The following ASIC4 variants were observed in gnomAD, a reference collection of about 807,000 sequenced individuals.
ASIC4 encodes the protein acid-sensing ion channel 4.
A neutral mutation model predicts 53.4 loss-of-function variants in ASIC4; 28 were observed. The observed-to-expected ratio is 0.52, with a 90% CI of 0.39 to 0.72. The LOEUF is 0.72. Among genes scored for constraint, ASIC4 ranks in the 30% least tolerant of loss-of-function variants. ASIC4 has a pLI of 0.00. For synonymous variants in ASIC4, 289 were observed against 301.4 expected (o/e 0.96, Z 0.43); for missense variants, 649 against 729.7 (o/e 0.89, Z 1.27).
chr2:219,515,576 G>A (rs115812484), intron 1 of ASIC4, among the ~76,000 whole-genome samples: 2,189 of 152,370 alleles, frequency 0.014, 34 homozygotes, highest in African/African-American at 0.037. Context: ...GGGAGTTGGG[G>A]TGGGGGTTCC....
upstream of ASIC4, chr2:219,514,387 C>A (rs1198600448): frequency 6.5e-7 from 1 of 1,546,966 alleles, no homozygotes; most frequent in Admixed American, 2.0e-5. Context: ...GGCGGAGCAG[C>A]GCTCGCTCCC....
rs76953724 is a variant in ASIC4, at chr2:219,518,048, C to T, written c.582+2742C>T. On this transcript the variant is annotated intron_variant, in intron 1 of 9. Transcript: ENST00000358078. This position sits in a 1 kb window ranked among gnomAD's most constrained non-coding sequence, Gnocchi z 4.8. ...TCTGTTACCACTGCAATCGCTCTCC[C>T]CCCACGCTCCCTAATATCCCTTCAT... 1.9e-3 allele frequency among the ~76,000 whole-genome samples: 294 copies of T among 152,256 alleles called. 7 individuals are homozygous for T. In the East Asian group the frequency reaches 0.051, roughly 26 times the overall value.
intron 5 of ASIC4, 106 bp downstream of exon 5, chr2:219,533,045 G>C (rs190142783): frequency 7.8e-7 from 1 of 1,276,734 alleles, no homozygotes. Flanking sequence ...CTTCCTGGAG[G>C]GTTCTTCCTG....
At chr2:219,531,623 T>C in intron 1 of ASIC4, 135 bp from the exon 2 acceptor site, 1 of 980,826 alleles carries the variant, frequency 1.0e-6, no homozygotes, top group Non-Finnish European at 1.5e-6. Flanking sequence ...GAGGCTGGGC[T>C]GTACATTGCT....
At chr2:219,521,348 G>A (rs892027061) in intron 1 of ASIC4, among the ~76,000 whole-genome samples, 2 of 152,196 alleles carry the variant, frequency 1.3e-5, no homozygotes, top group Admixed American at 6.5e-5. Context: ...GCTGATTAGC[G>A]TTTGAAGAAA....
chr2:219,522,818 C>G (rs891210060), intron 1 of ASIC4, among the ~76,000 whole-genome samples: 8 of 152,092 alleles, frequency 5.3e-5, no homozygotes, highest in African/African-American at 1.9e-4. Context: ...GTCACTTTGC[C>G]GAGGAGCCGG....
At chr2:219,516,000 G>C (rs530453354) in intron 1 of ASIC4, among the ~76,000 whole-genome samples, 1 of 152,292 alleles carries the variant, frequency 6.6e-6, no homozygotes, top group Non-Finnish European at 1.5e-5. Flanking sequence ...TCTTACACTG[G>C]GAATCACTGG....
upstream of ASIC4, chr2:219,514,062 T>G: frequency 2.3e-6 from 1 of 427,268 alleles, no homozygotes; most frequent in Admixed American, 4.0e-5. Flanking sequence ...GGGGATAGAG[T>G]TGGCTGACCC....
chr2:219,509,798 C>G (rs112424119), upstream of ASIC4, among the ~76,000 whole-genome samples: 1,062 of 152,236 alleles, frequency 7.0e-3, 9 homozygotes, highest in African/African-American at 0.024. This position sits in a 1 kb window ranked among gnomAD's most constrained non-coding sequence, Gnocchi z 5.2. Context: ...CTGGGCACTA[C>G]AAGGTCTCGG....
chr2:219,527,667 C>T (rs1694981249), intron 1 of ASIC4, among the ~76,000 whole-genome samples: 1 of 152,214 alleles, frequency 6.6e-6, no homozygotes, highest in African/African-American at 2.4e-5. Flanking sequence ...TGCCCTTAGC[C>T]AAGTCACTTT....
chr2:219,513,315 G>A (rs568817649), upstream of ASIC4, among the ~76,000 whole-genome samples: 1 of 152,130 alleles, frequency 6.6e-6, no homozygotes, highest in African/African-American at 2.4e-5. Flanking sequence ...CACAAGCACT[G>A]ATTCTTGCCA....
rs775818793 is a variant in ASIC4, at chr2:219,515,281, A to G, written c.557A>G (p.His186Arg). Residue 186 changes from histidine (H) to arginine (R), a missense_variant, in exon 1 of 10, where the codon CAC (histidine) becomes CGC (arginine). His to Arg is a conservative substitution (Grantham distance 29, BLOSUM62 0). Transcript: ENST00000358078. ...AAGAGCTGCAACTTCAGTGGGCATC[A>G]CTGCTCCGCCAGCAACTTCTCTGTG... The part of the protein sequence containing the change: ...MLKSCNFSGH[H>R]CSASNFSVVY... 6.2e-6 allele frequency: 10 copies of G among 1,612,088 alleles called. 1 individual carries two copies. The South Asian group carries it at 1.1e-4, about 18-fold the overall frequency.
At position 219,537,497 on chromosome 2, in the gene ASIC4, TGAG is replaced by T. The variant is rs754972175; in HGVS notation, c.1402-124_1402-122del. 41 of 1,026,362 alleles carry T rather than the reference TGAG, an allele frequency of 4.0e-5. No homozygotes were observed. Among genetic ancestry groups the T allele is most frequent in the African/African-American group, 6.4e-5 (4 of 62,192 alleles). The allele number at this position is 1,026,362 out of a possible 1,614,324, so 63.6% of individuals were successfully genotyped here. ...CTCAGAGTCAGGAGAAGGGGATGGG[TGAG>T]GAGGAGGAGGGTGTCCTACTGGGAG... On this transcript the variant is annotated intron_variant, in intron 8 of 9. Coordinates refer to ENST00000358078, the MANE Select transcript of ASIC4 (RefSeq NM_018674.6). The surrounding 1 kb of genome is among the most constrained non-coding windows in gnomAD (Gnocchi z 4.9).
At chr2:219,532,798 G>C (rs563381042) in intron 4 of ASIC4, 85 bp from the exon 5 acceptor site, 1 of 1,249,048 alleles carries the variant, frequency 8.0e-7, no homozygotes, top group Non-Finnish European at 1.2e-6. Context: ...ATATGTGTGT[G>C]CATGCATGTA....
At chr2:219,532,653 T>C in intron 4 of ASIC4, 176 bp downstream of exon 4, 1 of 963,172 alleles carries the variant, frequency 1.0e-6, no homozygotes, top group Non-Finnish European at 1.5e-6. Context: ...CATATGCATG[T>C]GGGAATGCCG....
chr2:219,507,877 G>A, the ASIC4 span, among the ~76,000 whole-genome samples: 1 of 152,266 alleles, frequency 6.6e-6, no homozygotes, highest in African/African-American at 2.4e-5. Flanking sequence ...ACCAGGCTCT[G>A]GGACAGAGCC....
At chr2:219,527,144 T>A (rs767151582) in intron 1 of ASIC4, among the ~76,000 whole-genome samples, 2 of 152,190 alleles carry the variant, frequency 1.3e-5, no homozygotes, top group Non-Finnish European at 2.9e-5. Context: ...TGGAAGAAGC[T>A]GTGGGCTGTG....
At chr2:219,514,403 CA>C, upstream of ASIC4, 1 of 1,547,232 alleles carries the variant, frequency 6.5e-7, no homozygotes, top group Non-Finnish European at 8.7e-7. Flanking sequence ...CTCCCTCGCT[CA>C]CTCGCTCGCT....
At chr2:219,510,789 C>T (rs150755121), upstream of ASIC4, among the ~76,000 whole-genome samples, 2,195 of 152,166 alleles carry the variant, frequency 0.014, 37 homozygotes, top group African/African-American at 0.037. The surrounding 1 kb of genome is among the most constrained non-coding windows in gnomAD (Gnocchi z 5.2). Context: ...CAGGGCCTGG[C>T]GGTGGGACGC....
Sources: allele counts gnomAD v4.1 joint callset (sites outside exome capture counted in the v4.1 genomes callset), GRCh38; gene constraint gnomAD v4.1.1; non-coding constraint Gnocchi (gnomAD v3.1); transcripts MANE v1.5; gene names NCBI Gene and HGNC (gene_info 2026-07-23, HGNC 2026-07-21).